The following GSE1 variants were observed in gnomAD, a reference collection of about 807,000 sequenced individuals.
GSE1 encodes the protein genetic suppressor element 1.
Under a neutral mutation model 112.6 loss-of-function variants are expected in GSE1, and 32 were observed. That is an observed-to-expected ratio of 0.28 (90% CI 0.21 to 0.38). GSE1 has a LOEUF of 0.38. GSE1 is among the 10% of genes least tolerant of loss of function. The pLI is 1.00. For synonymous variants in GSE1, 1,115 were observed against 735.6 expected (o/e 1.52, Z -8.35); for missense variants, 2,348 against 1,699.2 (o/e 1.38, Z -6.71).
intron 1 of GSE1, among the ~76,000 whole-genome samples, chr16:85,624,652 T>TA (rs1444363094): frequency 6.6e-6 from 1 of 152,186 alleles, no homozygotes; most frequent in Admixed American, 6.5e-5. Context: ...AGCCTCTACA[T>TA]GTGACCCGGG....
intron 1 of GSE1, chr16:85,285,499 T>A (rs1189657733): frequency 6.6e-6 from 1 of 151,992 alleles, no homozygotes; most frequent in Non-Finnish European, 1.5e-5. Context: ...CTGGCCAACA[T>A]GATGAAACCC....
At chr16:85,439,516 G>A (rs1290157197) in intron 2 of GSE1, among the ~76,000 whole-genome samples, 6 of 149,958 alleles carry the variant, frequency 4.0e-5, no homozygotes, top group South Asian at 2.1e-4. Flanking sequence ...ACTCACAGGC[G>A]GGGAAACACA....
chr16:85,552,966 G>T (rs1350168883), upstream of GSE1, among the ~76,000 whole-genome samples: 1 of 152,246 alleles, frequency 6.6e-6, no homozygotes, highest in East Asian at 1.9e-4. Flanking sequence ...TACTACTGTT[G>T]TTCGTGTAAT....
At chr16:85,660,737 TCTC>T (rs771754936) in intron 8 of GSE1, among the ~76,000 whole-genome samples, 8 of 151,930 alleles carry the variant, frequency 5.3e-5, no homozygotes, top group Non-Finnish European at 8.8e-5. Flanking sequence ...TTCAAGCAGT[TCTC>T]CTGCCTCAGC....
At chr16:85,337,840 C>T (rs551291807) in intron 1 of GSE1, among the ~76,000 whole-genome samples, 151 of 152,360 alleles carry the variant, frequency 9.9e-4, no homozygotes, top group African/African-American at 3.5e-3. Flanking sequence ...CTGCATGCGG[C>T]GCCGTCAGTG....
At chr16:85,447,829 T>C (rs7206040) in intron 2 of GSE1, among the ~76,000 whole-genome samples, 67,183 of 152,122 alleles carry the variant, frequency 0.44, 16,564 homozygotes, top group Admixed American at 0.59. Context: ...CACAGCTCAG[T>C]GGCCATCTGG....
chr16:85,225,447 C>T (rs1204471117), intron 1 of GSE1, among the ~76,000 whole-genome samples: 6 of 152,152 alleles, frequency 3.9e-5, no homozygotes, highest in Non-Finnish European at 7.4e-5. Context: ...AGCACAGGGG[C>T]TTTGTGGGGG....
At chr16:85,638,462 G>A (rs1241991748) in intron 2 of GSE1, among the ~76,000 whole-genome samples, 1 of 152,222 alleles carries the variant, frequency 6.6e-6, no homozygotes, top group Non-Finnish European at 1.5e-5. Context: ...AATCGCCGAT[G>A]CATGCCCCAG....
At position 85,644,269 on chromosome 16, in the gene GSE1, G is replaced by A. The variant is rs898218485; in HGVS notation, c.227-4283G>A. On this transcript the variant is annotated intron_variant, in intron 2 of 15. Coordinates refer to ENST00000253458, the MANE Select transcript of GSE1 (RefSeq NM_014615.5). Reference sequence around the variant, plus strand: ...TGGGAGGATCACTTGAACCCAGGAGGTTGAGGCTGCAGTGAGCTGTGATTG... The same window carrying A: ...TGGGAGGATCACTTGAACCCAGGAGATTGAGGCTGCAGTGAGCTGTGATTG... Among the ~76,000 whole-genome samples the A allele has an allele frequency of 3.3e-5, 5 of 151,038 alleles. No individual in the cohort carries two copies. In the South Asian group the frequency reaches 1.0e-3, roughly 31 times the overall value.
At chr16:85,175,810 G>A (rs966155427) in intron 1 of GSE1, among the ~76,000 whole-genome samples, 3 of 152,096 alleles carry the variant, frequency 2.0e-5, no homozygotes, top group African/African-American at 7.3e-5. Context: ...CTGAAGCCTC[G>A]CCGCAGCCCG....
chr16:85,616,475 A>G (rs774059840), intron 1 of GSE1, among the ~76,000 whole-genome samples: 22 of 152,224 alleles, frequency 1.4e-4, no homozygotes, highest in Non-Finnish European at 2.2e-4. Context: ...TCCAAGGATC[A>G]AACCCTGGGA....
chr16:85,560,277 G>A (rs758312090), intron 1 of GSE1, among the ~76,000 whole-genome samples: 4 of 151,714 alleles, frequency 2.6e-5, no homozygotes, highest in Admixed American at 6.6e-5. Context: ...CTGGGACTAC[G>A]GGAGTGCGCC....
chr16:85,169,844 C>G, exon 1 of GSE1: 2 of 984,534 alleles, frequency 2.0e-6, no homozygotes, highest in Non-Finnish European at 2.4e-6. Flanking sequence ...GCCCGCACGC[C>G]GGTGGACAAG....
At chr16:85,495,369 C>T (rs139850239) in intron 2 of GSE1, among the ~76,000 whole-genome samples, 107 of 152,108 alleles carry the variant, frequency 7.0e-4, no homozygotes, top group South Asian at 5.4e-3. Flanking sequence ...CTCAGGACAC[C>T]GACAAAGGCC....
Position 85,581,812 on chromosome 16 carries a change from C to T in GSE1, c.37+25449C>T, listed in dbSNP as rs371175233. On this transcript the variant is annotated intron_variant, in intron 1 of 2. Transcript: ENST00000635906. ...TGGATGGGGTCTACACCCAGGGCTG[C>T]GGCTTCCCCTGCTGAAGTTCCTGTC... Among the ~76,000 whole-genome samples, 22 of 152,286 alleles carry T rather than the reference C, an allele frequency of 1.4e-4. No individual in the cohort carries two copies. The East Asian group carries it at 3.5e-3, about 24-fold the overall frequency.
At chr16:85,275,331 G>T (rs992395350) in intron 1 of GSE1, among the ~76,000 whole-genome samples, 16 of 152,220 alleles carry the variant, frequency 1.1e-4, no homozygotes, top group Admixed American at 9.8e-4. Context: ...GCAGAGGGCA[G>T]GCAGGGGACA....
intron 1 of GSE1, among the ~76,000 whole-genome samples, chr16:85,191,659 G>A (rs2074824393): frequency 6.6e-6 from 1 of 152,178 alleles, no homozygotes; most frequent in South Asian, 2.1e-4. Flanking sequence ...TCACGCCCCG[G>A]CATGAACATC....
At chr16:85,248,683 G>A (rs1455164259) in intron 1 of GSE1, among the ~76,000 whole-genome samples, 1 of 152,364 alleles carries the variant, frequency 6.6e-6, no homozygotes, top group East Asian at 1.9e-4. Flanking sequence ...AGTCCTTTGG[G>A]AACCTTATCT....
intron 2 of GSE1, among the ~76,000 whole-genome samples, chr16:85,637,439 C>T (rs939307968): frequency 3.9e-5 from 6 of 152,094 alleles, no homozygotes; most frequent in African/African-American, 1.5e-4. Context: ...AGGGCCTCCC[C>T]ACCTTCATCA....
Sources: allele counts gnomAD v4.1 joint callset (sites outside exome capture counted in the v4.1 genomes callset), GRCh38; gene constraint gnomAD v4.1.1; transcripts MANE v1.5; gene names NCBI Gene and HGNC (gene_info 2026-07-23, HGNC 2026-07-21).